Variants in CUBN observed in about 807,000 individuals in gnomAD.
CUBN encodes the protein cubilin, also known as 460 kDa receptor.
CUBN carries 282 observed loss-of-function variants against 405.3 expected under a neutral mutation model. The observed-to-expected ratio is 0.70, with a 90% CI of 0.63 to 0.77. CUBN has a LOEUF of 0.77. Among genes scored for constraint, CUBN ranks in the 30% least tolerant of loss-of-function variants. CUBN has a pLI of 0.00. For synonymous variants in CUBN, 1,684 were observed against 1,617.0 expected, an observed-to-expected ratio of 1.04 and a Z score of -0.99; for missense variants, 4,514 against 4,475.2, an observed-to-expected ratio of 1.01 and a Z score of -0.25.
chr10:16,968,351 C>T (rs1299475120), intron 31 of CUBN, among the ~76,000 whole-genome samples: 3 of 151,824 alleles, frequency 2.0e-5, no homozygotes, highest in African/African-American at 4.8e-5. Context: ...TCACATCAGA[C>T]ACTTTTCTTT....
At chr10:17,081,942 G>A (rs1835980033) in intron 17 of CUBN, among the ~76,000 whole-genome samples, 1 of 149,282 alleles carries the variant, frequency 6.7e-6, no homozygotes, top group African/African-American at 2.5e-5. Context: ...CACCGTACAT[G>A]ACCTCTCCTT....
At chr10:16,884,289 T>C (rs1564402442) in intron 56 of CUBN, among the ~76,000 whole-genome samples, 1 of 152,164 alleles carries the variant, frequency 6.6e-6, no homozygotes, top group Non-Finnish European at 1.5e-5. Context: ...GCCTACTATC[T>C]AATTTTAATG....
rs757888625 is a variant in CUBN at position 16,925,780 on chromosome 10, C to G, written c.6272-6G>C. 1.2e-6 allele frequency: 2 copies of G among 1,613,474 alleles called. No individual in the cohort carries two copies. The highest frequency in any genetic ancestry group is 8.5e-7 in the Non-Finnish European group (1 of 1,179,666). On this transcript the variant is annotated splice_polypyrimidine_tract_variant and splice_region_variant and intron_variant, in intron 41 of 66. Coordinates refer to ENST00000377833, the MANE Select transcript of CUBN (RefSeq NM_001081.4). ...ATGCAAATATCCACCGCAGCCTTCC[C>G]ACAAAGAAACAAAGGTCGGTTATTT... is the stretch of plus-strand genomic sequence containing the variant.
chr10:17,109,847 C>T (rs1383555316), intron 9 of CUBN, 112 bp from the exon 10 acceptor site: 19 of 774,030 alleles, frequency 2.5e-5, no homozygotes, highest in East Asian at 1.5e-4. Context: ...CCTCTATCAT[C>T]GAAACAAAAA....
At chr10:16,941,282 GCAA>G (rs35232275) in intron 36 of CUBN, among the ~76,000 whole-genome samples, 17,802 of 152,020 alleles carry the variant, frequency 0.12, 2,238 homozygotes, top group African/African-American at 0.29. Context: ...AAATGGTGAT[GCAA>G]TAACGGATAT....
chr10:16,960,544 T>C (rs1336213897), intron 31 of CUBN, among the ~76,000 whole-genome samples: 1 of 152,162 alleles, frequency 6.6e-6, no homozygotes, highest in African/African-American at 2.4e-5. Context: ...AACTTTATTA[T>C]ATAAAAATAG....
At position 17,122,810 on chromosome 10, in the gene CUBN, G is replaced by A; in HGVS notation, c.578C>T (p.Thr193Ile). The A allele has an allele frequency of 6.4e-7, 1 of 1,568,230 alleles. No homozygotes were observed. Among genetic ancestry groups the A allele is most frequent in the Non-Finnish European group, 8.8e-7 (1 of 1,141,496 alleles). Residue 193 changes from threonine (T) to isoleucine (I), a missense_variant, in exon 6 of 67, where the codon ACA (threonine) becomes ATA (isoleucine). Thr to Ile is a moderately conservative substitution (Grantham distance 89). This residue lies in a region of CUBN where 1,448 missense variants were observed against 1,388.0 expected (regional missense o/e 1.04). Transcript: ENST00000377833. ...SCQNGGTCVN[T>I]MGSYSCHCPP... ...AAAAAGTTACCTGTAACTTCCCATTGTATTAACACATGTGCCTCCATTCTG... is the reference window on the plus strand; with the variant it reads ...AAAAAGTTACCTGTAACTTCCCATTATATTAACACATGTGCCTCCATTCTG...
chr10:17,110,143 C>T (rs976612344), intron 9 of CUBN, among the ~76,000 whole-genome samples: 5 of 152,142 alleles, frequency 3.3e-5, no homozygotes, highest in Non-Finnish European at 5.9e-5. Flanking sequence ...ACTCCCTGAA[C>T]TTCTTGGGTA....
In CUBN at chr10:16,842,247, T is replaced by A. The variant is rs1839376734; in HGVS notation, c.9664-1200A>T. ...TTTTTAGAGATGGGGTCTTCCTATG[T>A]TGTCCAGGCTAAACTTGCTTATTTC... On this transcript the variant is annotated intron_variant, in intron 60 of 66. Coordinates refer to ENST00000377833, the MANE Select transcript of CUBN (RefSeq NM_001081.4). Among the ~76,000 whole-genome samples the A allele has an allele frequency of 4.6e-5, 7 of 152,056 alleles. No homozygotes were observed. In the South Asian group the frequency reaches 1.4e-3, roughly 31 times the overall value.
chr10:16,931,100 CA>C (rs764466526), intron 40 of CUBN, among the ~76,000 whole-genome samples: 8,004 of 132,768 alleles, frequency 0.06, 623 homozygotes, highest in African/African-American at 0.19. Context: ...ACTAAAAATA[CA>C]AAAAAAAAAA....
chr10:16,888,636 G>A, intron 55 of CUBN, 70 bp from the exon 56 acceptor site: 1 of 1,400,610 alleles, frequency 7.1e-7, no homozygotes. Context: ...ATGAAGGAAA[G>A]AGGCATTTTC....
At position 17,046,027 on chromosome 10, in the gene CUBN, T is replaced by A. The variant is rs780288882; in HGVS notation, c.3397A>T (p.Ile1133Phe). ...AACCATAGTTTGTTACTATGAGAGA[T>A]GATTGTTGGGGGTAGATTTGAGCCA... ...FYGSNLPPTI[I>F]SHSNKLWLKF... Residue 1133 changes from isoleucine to phenylalanine, a missense_variant, in exon 24 of 67, where the codon ATC (isoleucine) becomes TTC (phenylalanine). Around this residue, in one of 5 missense-constraint regions of CUBN, gnomAD observed 1,448 missense variants for 1,388.0 expected, o/e 1.04. Coordinates refer to ENST00000377833, the MANE Select transcript of CUBN (RefSeq NM_001081.4). The A allele has an allele frequency of 1.9e-6, 3 of 1,613,622 alleles. No individual in the cohort carries two copies. Among genetic ancestry groups the A allele is most frequent in the Non-Finnish European group, 1.7e-6 (2 of 1,179,594 alleles).
At chr10:16,869,497 A>C in intron 59 of CUBN, 139 bp downstream of exon 59, 1 of 739,534 alleles carries the variant, frequency 1.4e-6, no homozygotes, top group Non-Finnish European at 2.4e-6. Context: ...TTTAAAACCA[A>C]GCCCTTACAT....
At chr10:17,054,684 C>CA (rs1345249504) in intron 22 of CUBN, among the ~76,000 whole-genome samples, 1 of 151,890 alleles carries the variant, frequency 6.6e-6, no homozygotes, top group Non-Finnish European at 1.5e-5. Context: ...GACACCATTA[C>CA]AAAAAACTGT....
chr10:17,037,748 C>A (rs2131811208), intron 27 of CUBN, among the ~76,000 whole-genome samples: 2 of 152,284 alleles, frequency 1.3e-5, no homozygotes, highest in East Asian at 3.9e-4. Flanking sequence ...TGGTTTGTTA[C>A]AGAGAGCCTC....
At chr10:17,126,168 A>T (rs1267929166) in intron 4 of CUBN, among the ~76,000 whole-genome samples, 1 of 152,194 alleles carries the variant, frequency 6.6e-6, no homozygotes, top group African/African-American at 2.4e-5. Flanking sequence ...GATTCTGTAC[A>T]TTTCTCTGCA....
chr10:16,967,805 A>AAGAAGGAGAGACGGAGAGAGAG (rs1564452469), intron 31 of CUBN, among the ~76,000 whole-genome samples: 40 of 114,566 alleles, frequency 3.5e-4, no homozygotes, highest in African/African-American at 1.3e-3. Context: ...CGGAGAGAGA[A>AAGAAGGAGAGACGGAGAGAGAG]AGAAGGAGAG....
chr10:16,864,675 T>A (rs1414799439), intron 59 of CUBN, among the ~76,000 whole-genome samples: 2 of 148,594 alleles, frequency 1.3e-5, no homozygotes, highest in South Asian at 2.1e-4. Context: ...TTTTTTTTTT[T>A]AGATGGATTT....
intron 31 of CUBN, among the ~76,000 whole-genome samples, chr10:16,966,867 T>G (rs1346464757): frequency 2.0e-5 from 3 of 152,188 alleles, no homozygotes; most frequent in African/African-American, 7.2e-5. Flanking sequence ...ACAGGAGAGA[T>G]AATTCACATG....
Sources: allele counts gnomAD v4.1 joint callset (sites outside exome capture counted in the v4.1 genomes callset), GRCh38; gene constraint gnomAD v4.1.1; regional missense constraint gnomAD v4.1.1; transcripts MANE v1.5; gene names NCBI Gene and HGNC (gene_info 2026-07-23, HGNC 2026-07-21).